NLRC5: variants seen among roughly 807,000 people sequenced by gnomAD.
NLRC5 encodes the protein NLR family CARD domain containing 5.
A neutral mutation model predicts 206.9 loss-of-function variants in NLRC5; 114 were observed. The ratio of observed to expected loss-of-function variants is 0.55; its 90% confidence interval spans 0.47 to 0.64. The LOEUF is 0.64. Ranked by LOEUF, NLRC5 falls within the 30% of genes least tolerant of loss-of-function variation. NLRC5 has a pLI of 0.00. For missense variants in NLRC5, 2,008 were observed against 2,305.5 expected (o/e 0.87, Z 2.64); for synonymous variants, 952 against 962.8 (o/e 0.99, Z 0.21).
At chr16:57,071,897 C>T (rs1434947043) in intron 38 of NLRC5, among the ~76,000 whole-genome samples, 2 of 151,894 alleles carry the variant, frequency 1.3e-5, no homozygotes, top group African/African-American at 2.4e-5. Flanking sequence ...TGCCTAGGAA[C>T]CTTTGCATGT....
chr16:57,065,277 C>A lies in NLRC5; in HGVS notation c.4220C>A (p.Ser1407Ter). The stretch of plus-strand genomic sequence containing the variant: ...CTGTTAGAAGTCTGCGCCCAGGCCT[C>A]AGGCAGTGTCACTGAAATCAGGTGA... ...LSLLEVCAQA[S>*]GSVTEISISE... Residue 1407 changes from serine to a stop codon, truncating the protein, a stop_gained, in exon 33 of 49, where the codon TCA (serine) becomes TAA (stop). Transcript: ENST00000688547. LOFTEE classifies it high-confidence loss of function. 6.3e-7 allele frequency: 1 copy of A among 1,580,378 alleles called. No homozygotes were observed. Among genetic ancestry groups the A allele is most frequent in the Non-Finnish European group, 8.6e-7 (1 of 1,160,590 alleles).
chr16:57,005,645 G>T lies in NLRC5; in HGVS notation c.-127-11429G>T, dbSNP rs545216723. Among the ~76,000 whole-genome samples, 7 of 152,076 alleles carry T rather than the reference G, an allele frequency of 4.6e-5. No individual in the cohort carries two copies. In the East Asian group the frequency reaches 1.4e-3, roughly 30 times the overall value. ...TATGGTATAACATTCTAGGCCAGGT[G>T]CAGTGGCTCACATCTGTAATCCCAG... On this transcript the variant is annotated intron_variant, in intron 1 of 48. Coordinates refer to ENST00000688547, the MANE Select transcript of NLRC5 (RefSeq NM_001384950.1).
chr16:57,034,348 C>A (rs1222374632), intron 13 of NLRC5, 97 bp downstream of exon 13: 3 of 808,436 alleles, frequency 3.7e-6, no homozygotes, highest in African/African-American at 3.4e-5. Flanking sequence ...GGGGGAGGGG[C>A]ATGCTGCCTC....
In NLRC5 at chr16:57,034,214, G is replaced by T; in HGVS notation, c.2590G>T (p.Ala864Ser). 6.2e-7 allele frequency: 1 copy of T among 1,614,060 alleles called. No homozygotes were observed. The highest frequency in any genetic ancestry group is 1.1e-5 in the South Asian group (1 of 91,068). Residue 864 changes from alanine to serine, a missense_variant, in exon 13 of 49, where the codon GCC (alanine) becomes TCC (serine). By Grantham distance (99) the Ala-to-Ser change is moderately conservative. Transcript: ENST00000688547. Reference protein sequence around the residue: ...LQVHDAEALIALLQEGPHLEE... With the variant: ...LQVHDAEALISLLQEGPHLEE... ...GGTCCACGATGCGGAGGCCCTCATA[G>T]CCCTGCTCCAGGAAGGCCCTCACCT...
intron 1 of NLRC5, among the ~76,000 whole-genome samples, chr16:57,011,372 C>A (rs1458597188): frequency 6.7e-6 from 1 of 148,444 alleles, no homozygotes; most frequent in Non-Finnish European, 1.5e-5. Context: ...GAGATCGTGC[C>A]ACTACACTCA....
chr16:56,989,648 G>C (rs534769327), intron 1 of NLRC5, 31 bp downstream of exon 1: 1 of 153,050 alleles, frequency 6.5e-6, no homozygotes, highest in Non-Finnish European at 1.5e-5. Flanking sequence ...GGGGCTGCGG[G>C]ACCCGGGCTG....
Position 57,059,539 on chromosome 16 carries a change from C to A in NLRC5, c.3986+7C>A. ...AGGCTGGGAAGACACTCAGGTAATC[C>A]CTGCAGGGTGATGGGACAGGGGACA... is the stretch of plus-strand genomic sequence containing the variant. On this transcript the variant is annotated splice_region_variant and intron_variant, in intron 30 of 48. Coordinates refer to ENST00000688547, the MANE Select transcript of NLRC5 (RefSeq NM_001384950.1). 6.2e-7 allele frequency: 1 copy of A among 1,607,196 alleles called. No individual in the cohort carries two copies. Among genetic ancestry groups the A allele is most frequent in the Non-Finnish European group, 8.5e-7 (1 of 1,176,056 alleles).
chr16:57,061,417 C>T, intron 30 of NLRC5, 31 bp from the exon 31 acceptor site: 1 of 1,600,954 alleles, frequency 6.2e-7, no homozygotes, highest in Non-Finnish European at 8.5e-7. Context: ...ACAGGCCTCA[C>T]CCAGGCTCTG....
Position 57,034,164 on chromosome 16 carries a change from C to A in NLRC5, c.2544-4C>A. On this transcript the variant is annotated splice_polypyrimidine_tract_variant and splice_region_variant and intron_variant, in intron 12 of 48. Transcript: ENST00000688547. Reference sequence around the variant, plus strand: ...AGCCCTTCTGTCCCCCACTCCTACCCAAGGCTGCAGAAGTGTCAGCTCCAG... The same window carrying A: ...AGCCCTTCTGTCCCCCACTCCTACCAAAGGCTGCAGAAGTGTCAGCTCCAG... 1 of 1,613,630 alleles carries A rather than the reference C, an allele frequency of 6.2e-7. No individual in the cohort carries two copies. The highest frequency in any genetic ancestry group is 8.5e-7 in the Non-Finnish European group (1 of 1,179,678).
intron 38 of NLRC5, among the ~76,000 whole-genome samples, chr16:57,070,863 A>AGT (rs1162447680): frequency 0.017 from 1,506 of 86,950 alleles, 190 homozygotes; most frequent in African/African-American, 0.083. Context: ...GAAGGGTGTG[A>AGT]GAGTGGTGAT....
rs112214781 is a variant in NLRC5 at position 57,039,870 on chromosome 16, A to G, written c.2870+21A>G. On this transcript the variant is annotated intron_variant, in intron 16 of 48. Transcript: ENST00000688547. The stretch of plus-strand genomic sequence containing the variant: ...GAGAGGTAGGGCCCGATTTCACCCC[A>G]ACTCCATGCTCAGTCAGGGACATTC... The G allele has an allele frequency of 1.0e-3, 1,637 of 1,602,892 alleles. 16 individuals carry two copies. The African/African-American group carries it at 0.019, about 18-fold the overall frequency.
Position 57,077,051 on chromosome 16 carries a change from C to T in NLRC5, c.4835+149C>T, listed in dbSNP as rs935535302. Reference sequence around the variant, plus strand: ...GTGTAAACAACCTGGGGCCTAGAAGCTTGGGGGACCCAAAGACAGGATGTA... The same window carrying T: ...GTGTAAACAACCTGGGGCCTAGAAGTTTGGGGGACCCAAAGACAGGATGTA... On this transcript the variant is annotated intron_variant, in intron 40 of 48. Coordinates refer to ENST00000688547, the MANE Select transcript of NLRC5 (RefSeq NM_001384950.1). The T allele has an allele frequency of 2.5e-5, 19 of 765,852 alleles. No homozygotes were observed. The African/African-American group carries it at 3.1e-4, about 13-fold the overall frequency. The allele number at this position is 765,852 out of a possible 1,614,324, so 47.4% of individuals were successfully genotyped here.
intron 36 of NLRC5, 70 bp from the exon 37 acceptor site, chr16:57,069,766 C>T: frequency 7.8e-7 from 1 of 1,277,288 alleles, no homozygotes; most frequent in Non-Finnish European, 1.1e-6. Flanking sequence ...TGCCCTCTGC[C>T]ACCAGCATTC....
At chr16:57,053,756 C>T (rs964904467) in intron 24 of NLRC5, among the ~76,000 whole-genome samples, 2 of 152,066 alleles carry the variant, frequency 1.3e-5, no homozygotes, top group African/African-American at 2.4e-5. Context: ...CTCAAACTCC[C>T]GACCTCAAGT....
At chr16:57,000,203 T>C (rs1875235) in intron 1 of NLRC5, among the ~76,000 whole-genome samples, 19,076 of 152,070 alleles carry the variant, frequency 0.13, 1,331 homozygotes, top group East Asian at 0.23. Context: ...CTGCCAGGGC[T>C]GAGCAGGAGA....
chr16:57,001,144 T>C (rs1258159409), intron 1 of NLRC5, among the ~76,000 whole-genome samples: 5 of 152,176 alleles, frequency 3.3e-5, no homozygotes, highest in African/African-American at 9.7e-5. Flanking sequence ...TGGTGTAGGA[T>C]TCAGGGAGGA....
At chr16:57,078,659 C>T (rs988925387) in intron 43 of NLRC5, among the ~76,000 whole-genome samples, 26 of 151,902 alleles carry the variant, frequency 1.7e-4, no homozygotes, top group South Asian at 1.5e-3. Flanking sequence ...TTAGTAGAGA[C>T]GGCATTTCAC....
intron 17 of NLRC5, 155 bp from the exon 18 acceptor site, chr16:57,041,330 C>A (rs982127745): frequency 4.9e-6 from 3 of 608,628 alleles, no homozygotes; most frequent in Non-Finnish European, 8.8e-6. Context: ...GTGTGTTGGT[C>A]CCTCTTTGTC....
rs1327657691 is a variant in NLRC5 at position 57,030,043 on chromosome 16, G to T, written c.2376G>T (p.Arg792Ser). The T allele has an allele frequency of 3.1e-6, 5 of 1,614,010 alleles. No homozygotes were observed. Among genetic ancestry groups the T allele is most frequent in the South Asian group, 1.1e-5 (1 of 91,078 alleles). Residue 792 changes from arginine (R) to serine (S), a missense_variant, in exon 10 of 49, where the codon AGG becomes AGT. Physicochemically the swap from Arg to Ser is moderately radical, Grantham distance 110. Transcript: ENST00000688547. ...ICVSTLLCLA[R>S]VAVTCPTVRM... ...TGTCAACCCTACTCTGCTTGGCAAG[G>T]GTGGCAGTCACGTGTCCTACCGTCA...
Sources: allele counts gnomAD v4.1 joint callset (sites outside exome capture counted in the v4.1 genomes callset), GRCh38; gene constraint gnomAD v4.1.1; transcripts MANE v1.5; gene names NCBI Gene and HGNC (gene_info 2026-07-23, HGNC 2026-07-21).